EXOC6B: variants seen among roughly 807,000 people sequenced by gnomAD.
EXOC6B encodes the protein exocyst complex component 6B.
In EXOC6B, 54 loss-of-function variants were observed where a neutral mutation model predicts 113.5. The ratio of observed to expected loss-of-function variants is 0.48; its 90% confidence interval spans 0.38 to 0.60. The LOEUF is 0.60. EXOC6B is among the 20% of genes least tolerant of loss of function. EXOC6B has a pLI of 0.00. For synonymous variants in EXOC6B, 357 were observed against 339.0 expected (o/e 1.05, Z -0.58); for missense variants, 797 against 977.5 (o/e 0.82, Z 2.46).
chr2:72,674,025 G>A (rs1223179214), intron 6 of EXOC6B, among the ~76,000 whole-genome samples: 8 of 152,008 alleles, frequency 5.3e-5, no homozygotes, highest in Admixed American at 2.0e-4. Flanking sequence ...CCAATGAAAC[G>A]ATTTGGGGGG....
At chr2:72,480,581 A>G in intron 17 of EXOC6B, 35 bp downstream of exon 17, 1 of 1,548,458 alleles carries the variant, frequency 6.5e-7, no homozygotes, top group Non-Finnish European at 8.7e-7. Context: ...TGTGTACACC[A>G]GAAGCAGTTC....
intron 7 of EXOC6B, among the ~76,000 whole-genome samples, chr2:72,564,118 C>T (rs1210308755): frequency 1.3e-5 from 2 of 152,238 alleles, no homozygotes; most frequent in African/African-American, 4.8e-5. Flanking sequence ...GAAAAGATTG[C>T]TTGCCTCCCT....
At chr2:72,701,919 C>CT (rs926573584) in intron 6 of EXOC6B, among the ~76,000 whole-genome samples, 2,124 of 142,036 alleles carry the variant, frequency 0.015, 22 homozygotes, top group Non-Finnish European at 0.024. Context: ...ACTTGTATTT[C>CT]TTTTTTTTTT....
At chr2:72,266,913 G>T (rs941342204) in intron 20 of EXOC6B, among the ~76,000 whole-genome samples, 1 of 152,106 alleles carries the variant, frequency 6.6e-6, no homozygotes, top group African/African-American at 2.4e-5. Context: ...CCATTTGTTT[G>T]TCTCCTCTTT....
chr2:72,740,097 G>C (rs958729896), intron 2 of EXOC6B, among the ~76,000 whole-genome samples: 2 of 152,026 alleles, frequency 1.3e-5, no homozygotes, highest in Admixed American at 6.5e-5. Context: ...ATGTGATTTA[G>C]GTCATGAAAC....
intron 6 of EXOC6B, among the ~76,000 whole-genome samples, chr2:72,651,795 C>T (rs1303778975): frequency 1.3e-5 from 2 of 152,162 alleles, no homozygotes; most frequent in African/African-American, 4.8e-5. Flanking sequence ...CGGGGTTTCA[C>T]TGTGTTATCC....
chr2:72,685,406 T>C lies in EXOC6B; in HGVS notation c.669+32697A>G, dbSNP rs551969203. ...GCTACTTAGCAGTGGGGGTCAAAAGTGGTAAATTAGCAAGTTTGTCCAGAG... is the reference window on the plus strand; with the variant it reads ...GCTACTTAGCAGTGGGGGTCAAAAGCGGTAAATTAGCAAGTTTGTCCAGAG... On this transcript the variant is annotated intron_variant, in intron 6 of 21. Coordinates refer to ENST00000272427, the MANE Select transcript of EXOC6B (RefSeq NM_015189.3). 2.4e-4 allele frequency among the ~76,000 whole-genome samples: 37 copies of C among 152,142 alleles called. 1 individual carries two copies. Among genetic ancestry groups the C allele is most frequent in the African/African-American group, 8.0e-4 (33 of 41,498 alleles).
intron 18 of EXOC6B, among the ~76,000 whole-genome samples, chr2:72,437,692 T>C (rs983374938): frequency 2.0e-5 from 3 of 152,206 alleles, no homozygotes; most frequent in Non-Finnish European, 4.4e-5. Context: ...TTTTGATAAC[T>C]AGCTTTTTCA....
chr2:72,654,887 T>C (rs1273904677), intron 6 of EXOC6B, among the ~76,000 whole-genome samples: 1 of 152,154 alleles, frequency 6.6e-6, no homozygotes, highest in African/African-American at 2.4e-5. Context: ...TATTTTCCAA[T>C]AAAGAGACAG....
chr2:72,316,654 T>C (rs1687530896), intron 20 of EXOC6B, among the ~76,000 whole-genome samples: 1 of 152,204 alleles, frequency 6.6e-6, no homozygotes, highest in Non-Finnish European at 1.5e-5. Flanking sequence ...CAAGCAATTA[T>C]GAAATAGGAA....
chr2:72,374,947 A>T (rs566503730), intron 19 of EXOC6B, among the ~76,000 whole-genome samples: 93 of 152,024 alleles, frequency 6.1e-4, no homozygotes, highest in African/African-American at 2.0e-3. Context: ...ATATTTTTTT[A>T]AAAAATTAAA....
chr2:72,559,338 A>G (rs1273099727), intron 8 of EXOC6B, 115 bp downstream of exon 8: 1 of 637,196 alleles, frequency 1.6e-6, no homozygotes, highest in Non-Finnish European at 2.4e-6. Context: ...TTAAACAACA[A>G]GAGTTTTCTC....
chr2:72,624,546 C>G (rs1230832652), intron 6 of EXOC6B, among the ~76,000 whole-genome samples: 2 of 152,100 alleles, frequency 1.3e-5, no homozygotes, highest in Non-Finnish European at 2.9e-5. Flanking sequence ...TTCAAGATCA[C>G]CCTGGGCAAC....
chr2:72,564,872 C>A (rs958804204), intron 7 of EXOC6B, among the ~76,000 whole-genome samples: 4 of 152,158 alleles, frequency 2.6e-5, no homozygotes, highest in Non-Finnish European at 5.9e-5. Flanking sequence ...TGCCAAGGAG[C>A]TTCTCACAAA....
At chr2:72,754,507 T>C (rs1033238007) in intron 1 of EXOC6B, among the ~76,000 whole-genome samples, 6 of 152,034 alleles carry the variant, frequency 3.9e-5, no homozygotes, top group Admixed American at 1.3e-4. Context: ...GCTGGCGTTA[T>C]AGGGTGTGAG....
At chr2:72,384,856 T>G (rs1029245728) in intron 18 of EXOC6B, among the ~76,000 whole-genome samples, 1 of 151,938 alleles carries the variant, frequency 6.6e-6, no homozygotes. Flanking sequence ...TAAAAGAAAT[T>G]TAAGAAGACA....
At chr2:72,380,730 A>G (rs1424317812) in intron 18 of EXOC6B, among the ~76,000 whole-genome samples, 2 of 152,222 alleles carry the variant, frequency 1.3e-5, no homozygotes, top group Admixed American at 1.3e-4. Flanking sequence ...TTGTTTTCTT[A>G]GAAAATACTG....
chr2:72,651,334 C>A (rs969239194), intron 6 of EXOC6B, among the ~76,000 whole-genome samples: 1 of 152,292 alleles, frequency 6.6e-6, no homozygotes, highest in South Asian at 2.1e-4. Flanking sequence ...CTACCCTCAA[C>A]CTTCATTTGT....
chr2:72,431,480 T>C (rs965980007), intron 18 of EXOC6B, among the ~76,000 whole-genome samples: 2 of 144,854 alleles, frequency 1.4e-5, no homozygotes, highest in Non-Finnish European at 3.0e-5. Flanking sequence ...ACTGGCTTGA[T>C]TTCTTTATCT....
Sources: gnomAD v4.1 joint callset for allele counts (sites outside exome capture counted in the v4.1 genomes callset) on GRCh38, gnomAD v4.1.1 for gene constraint, MANE v1.5 for transcripts, NCBI Gene and HGNC (gene_info 2026-07-23, HGNC 2026-07-21) for gene names.